Variants in YWHAZ observed in about 807,000 individuals in gnomAD.
YWHAZ encodes tyrosine 3-monooxygenase/tryptophan 5-monooxygenase activation protein zeta, also known as 14-3-3 protein zeta/delta.
For missense variants in YWHAZ, 79 were observed against 284.8 expected (o/e 0.28, Z 5.20); for synonymous variants, 87 against 103.6 (o/e 0.84, Z 0.97).
At chr8:100,928,733 TAAAA>T (rs1813545385) in intron 2 of YWHAZ, among the ~76,000 whole-genome samples, 1 of 148,144 alleles carries the variant, frequency 6.8e-6, no homozygotes, top group Non-Finnish European at 1.5e-5. Flanking sequence ...AACTCCGTCT[TAAAA>T]AGAAAAAAAA....
intron 2 of YWHAZ, among the ~76,000 whole-genome samples, chr8:100,929,477 G>A (rs1337367770): frequency 6.6e-6 from 1 of 152,194 alleles, no homozygotes; most frequent in Non-Finnish European, 1.5e-5. Context: ...TGGGAATACA[G>A]GCGTAAAGCC....
intron 2 of YWHAZ, among the ~76,000 whole-genome samples, chr8:100,938,725 G>A (rs1434662140): frequency 1.3e-5 from 2 of 152,052 alleles, no homozygotes; most frequent in Non-Finnish European, 2.9e-5. Flanking sequence ...TCACACATTA[G>A]GGGCCCATAG....
At chr8:100,942,203 T>C (rs994054086) in intron 2 of YWHAZ, among the ~76,000 whole-genome samples, 12 of 152,220 alleles carry the variant, frequency 7.9e-5, no homozygotes, top group African/African-American at 2.7e-4. Flanking sequence ...TCAAGTCAGC[T>C]ATATTCATCC....
At chr8:100,923,866 A>T in intron 5 of YWHAZ, 89 bp downstream of exon 5, 2 of 1,032,316 alleles carry the variant, frequency 1.9e-6, no homozygotes, top group African/African-American at 1.6e-5. Flanking sequence ...AAATTTTAAA[A>T]GATGTATTTA....
rs1812763219 is a variant in YWHAZ, at chr8:100,917,714, T to C, written c.*2979A>G. 6.6e-6 allele frequency: 1 copy of C among 152,100 alleles called. No individual in the cohort carries two copies. Among genetic ancestry groups the C allele is most frequent in the African/African-American group, 2.4e-5 (1 of 41,406 alleles). The allele number at this position is 152,100 out of a possible 1,614,324, so 9.4% of individuals were successfully genotyped here. ...AGCCTGGGCGAGAGTTGACACTCCG[T>C]CTTAAAAACAAACGAACAAAAAAAT... On this transcript the variant is annotated 3_prime_UTR_variant, in exon 6 of 6. Transcript: ENST00000395958.
intron 2 of YWHAZ, among the ~76,000 whole-genome samples, chr8:100,925,644 T>A (rs1174861529): frequency 6.6e-6 from 1 of 152,238 alleles, no homozygotes; most frequent in African/African-American, 2.4e-5. Flanking sequence ...AGAGCAGACC[T>A]TTAATCTCAT....
chr8:100,942,189 G>A (rs963541792), intron 2 of YWHAZ, among the ~76,000 whole-genome samples: 2 of 152,102 alleles, frequency 1.3e-5, no homozygotes, highest in Non-Finnish European at 2.9e-5. Context: ...TGATCTTACT[G>A]ATATCAAGTC....
chr8:100,950,886 C>T (rs1810698242), intron 1 of YWHAZ: 2 of 161,100 alleles, frequency 1.2e-5, no homozygotes, highest in South Asian at 2.0e-4. Flanking sequence ...GAGCGGGCCA[C>T]CAGCGGCTAT....
At chr8:100,928,768 C>T (rs565696616) in intron 2 of YWHAZ, among the ~76,000 whole-genome samples, 2 of 151,890 alleles carry the variant, frequency 1.3e-5, no homozygotes, top group East Asian at 3.9e-4. Context: ...ATATTCTCAG[C>T]CTCAATGGGG....
At chr8:100,947,332 T>G (rs1319374009) in intron 2 of YWHAZ, among the ~76,000 whole-genome samples, 1 of 152,118 alleles carries the variant, frequency 6.6e-6, no homozygotes, top group Non-Finnish European at 1.5e-5. Flanking sequence ...ATTTGTCACT[T>G]GGCCCCAATA....
At position 100,924,354 on chromosome 8, in the gene YWHAZ, C is replaced by A; in HGVS notation, c.419-56G>T. ...TAAAGTGTGCATTATATCTTCACCC[C>A]TCAAACCAAACCTTTAATATCTCAC... On this transcript the variant is annotated intron_variant, in intron 3 of 5. Transcript: ENST00000395958. This position sits in a 1 kb window ranked among gnomAD's most constrained non-coding sequence, Gnocchi z 5.7. 1 of 1,543,818 alleles carries A rather than the reference C, an allele frequency of 6.5e-7. No homozygotes were observed. Among genetic ancestry groups the A allele is most frequent in the Non-Finnish European group, 8.7e-7 (1 of 1,146,400 alleles).
At position 100,918,415 on chromosome 8, in the gene YWHAZ, T is replaced by C. The variant is rs1037537573; in HGVS notation, c.*2278A>G. ...CTATAAAATATAATTACTTTATATA[T>C]ATATATATATATATATATATATATA... On this transcript the variant is annotated 3_prime_UTR_variant, in exon 6 of 6. Coordinates refer to ENST00000395958, the MANE Select transcript of YWHAZ (RefSeq NM_145690.3). 1 of 60,276 alleles carries C rather than the reference T, an allele frequency of 1.7e-5. No homozygotes were observed. Among genetic ancestry groups the C allele is most frequent in the Non-Finnish European group, 3.3e-5 (1 of 30,256 alleles). The allele number at this position is 60,276 out of a possible 1,614,324, so 3.7% of individuals were successfully genotyped here.
chr8:100,952,672 A>C (rs2290291), upstream of YWHAZ: 1 of 560,546 alleles, frequency 1.8e-6, no homozygotes, highest in Non-Finnish European at 2.3e-6. Context: ...CGGCTCCGGC[A>C]TTGTGATCAG....
intron 1 of YWHAZ, chr8:100,951,461 C>T: frequency 2.5e-5 from 24 of 977,634 alleles, no homozygotes; most frequent in Non-Finnish European, 2.9e-5. Flanking sequence ...CTCACCTGCG[C>T]CACTGCGATG....
In YWHAZ at chr8:100,919,230, C is replaced by T. The variant is rs1433193858; in HGVS notation, c.*1463G>A. 1 of 152,470 alleles carries T rather than the reference C, an allele frequency of 6.6e-6. No homozygotes were observed. Among genetic ancestry groups the T allele is most frequent in the Non-Finnish European group, 1.5e-5 (1 of 68,018 alleles). The allele number at this position is 152,470 out of a possible 1,614,324, so 9.4% of individuals were successfully genotyped here. ...AAAACAGGAAGGTAATCTTGTGCAC[C>T]TGACAAATAGAAAGAATAAAGGATC... On this transcript the variant is annotated 3_prime_UTR_variant, in exon 6 of 6. Transcript: ENST00000395958.
chr8:100,952,054 C>T (rs1238209837), upstream of YWHAZ: 2 of 989,070 alleles, frequency 2.0e-6, no homozygotes, highest in Non-Finnish European at 1.2e-6. Context: ...TACAGCCGCT[C>T]CGCAGACACG....
rs1417316114 is a variant in YWHAZ at position 100,918,443 on chromosome 8, T to TATATATATAC, written c.*2249_*2250insGTATATATAT. ...ATATATATATATATATATATATATA[T>TATATATATAC]AATTATTTTACCTCCTTGGCTTGGG... On this transcript the variant is annotated 3_prime_UTR_variant, in exon 6 of 6. Coordinates refer to ENST00000395958, the MANE Select transcript of YWHAZ (RefSeq NM_145690.3). 8.5e-6 allele frequency: 1 copy of TATATATATAC among 117,074 alleles called. No homozygotes were observed. Among genetic ancestry groups the TATATATATAC allele is most frequent in the Non-Finnish European group, 1.7e-5 (1 of 57,500 alleles). 7.3% of individuals were successfully genotyped at this position (117,074 alleles called of 1,614,324 possible). A position where few individuals can be genotyped will look rare whatever the true frequency, so the allele number is the denominator to read the frequency against.
rs1482265647 is a variant in YWHAZ, at chr8:100,918,981, ATGAC to A, written c.*1708_*1711del. Reference sequence around the variant, plus strand: ...AGAGGAAGGATTTTAAAGGCAGACAATGACAGACCATTCAGGATAGGTAGGGTTT... The same window carrying A: ...AGAGGAAGGATTTTAAAGGCAGACAAAGACCATTCAGGATAGGTAGGGTTT... On this transcript the variant is annotated 3_prime_UTR_variant, in exon 6 of 6. Coordinates refer to ENST00000395958, the MANE Select transcript of YWHAZ (RefSeq NM_145690.3). The A allele has an allele frequency of 6.6e-6, 1 of 152,526 alleles. No homozygotes were observed. Among genetic ancestry groups the A allele is most frequent in the Non-Finnish European group, 1.5e-5 (1 of 68,064 alleles). 9.4% of individuals were successfully genotyped at this position (152,526 alleles called of 1,614,324 possible).
chr8:100,949,402 T>A (rs1586163528), intron 1 of YWHAZ, among the ~76,000 whole-genome samples: 1 of 152,082 alleles, frequency 6.6e-6, no homozygotes, highest in African/African-American at 2.4e-5. Context: ...TTGTCAAGAG[T>A]GATTACATTT....
Sources: allele counts gnomAD v4.1 joint callset (sites outside exome capture counted in the v4.1 genomes callset), GRCh38; gene constraint gnomAD v4.1.1; non-coding constraint Gnocchi (gnomAD v3.1); transcripts MANE v1.5; gene names NCBI Gene and HGNC (gene_info 2026-07-23, HGNC 2026-07-21).